Variants in DLGAP1 observed in about 807,000 individuals in gnomAD.
The protein encoded by DLGAP1 is disks large-associated protein 1.
DLGAP1 carries 11 observed loss-of-function variants against 90.8 expected under a neutral mutation model. The ratio of observed to expected loss-of-function variants is 0.12; its 90% CI spans 0.08 to 0.20. DLGAP1 has a LOEUF of 0.20. Ranked by LOEUF, DLGAP1 falls within the 10% of genes least tolerant of loss-of-function variation. The pLI, the probability that DLGAP1 is intolerant of heterozygous loss-of-function variation, is 1.00. For missense variants in DLGAP1, 1,050 were observed against 1,333.8 expected (o/e 0.79, Z 3.31); for synonymous variants, 558 against 540.7 (o/e 1.03, Z -0.44).
chr18:3,750,196 C>A (rs1420247368), intron 5 of DLGAP1, among the ~76,000 whole-genome samples: 2 of 152,212 alleles, frequency 1.3e-5, no homozygotes, highest in African/African-American at 2.4e-5. Flanking sequence ...CACTGTTTAG[C>A]TCCCATTTAT....
chr18:3,522,135 CTTT>C (rs11374414), intron 10 of DLGAP1, among the ~76,000 whole-genome samples: 1 of 98,242 alleles, frequency 1.0e-5, no homozygotes, highest in Non-Finnish European at 1.9e-5. Context: ...TTCTTTCTTG[CTTT>C]TTTTTTTTTT....
intron 6 of DLGAP1, among the ~76,000 whole-genome samples, chr18:3,731,877 C>T (rs2062446007): frequency 6.6e-6 from 1 of 151,982 alleles, no homozygotes; most frequent in Admixed American, 6.6e-5. Context: ...TTCTGGACAC[C>T]CTAGAAGCCC....
chr18:4,254,736 ACT>A (rs1405196656), intron 1 of DLGAP1, among the ~76,000 whole-genome samples: 1 of 152,164 alleles, frequency 6.6e-6, no homozygotes, highest in Non-Finnish European at 1.5e-5. Flanking sequence ...TTCCCATATG[ACT>A]CTACTTCCTA....
At chr18:4,271,082 T>C (rs2079268374) in intron 1 of DLGAP1, among the ~76,000 whole-genome samples, 1 of 152,132 alleles carries the variant, frequency 6.6e-6, no homozygotes, top group Non-Finnish European at 1.5e-5. Flanking sequence ...CAATCCCCTC[T>C]ATAAAGGGGG....
At chr18:3,761,637 G>A (rs143315950) in intron 5 of DLGAP1, among the ~76,000 whole-genome samples, 1,982 of 150,824 alleles carry the variant, frequency 0.013, 53 homozygotes, top group African/African-American at 0.046. Context: ...GTGCAGTGGC[G>A]TGATCTAGGC....
chr18:3,881,156 G>C (rs2071157739), intron 3 of DLGAP1, among the ~76,000 whole-genome samples: 1 of 147,774 alleles, frequency 6.8e-6, no homozygotes. Context: ...TGGAGTTTTT[G>C]CTCTGTTGCC....
At chr18:3,905,090 G>T (rs367926231) in intron 3 of DLGAP1, among the ~76,000 whole-genome samples, 1 of 151,466 alleles carries the variant, frequency 6.6e-6, no homozygotes, top group South Asian at 2.1e-4. Context: ...TGAATAGGCC[G>T]GGCATGGTGG....
At chr18:3,802,164 T>C (rs1005835805) in intron 5 of DLGAP1, among the ~76,000 whole-genome samples, 1 of 152,096 alleles carries the variant, frequency 6.6e-6, no homozygotes, top group Admixed American at 6.5e-5. Flanking sequence ...TTTGTATTTT[T>C]AGTAGAGATG....
chr18:3,869,383 G>A (rs566037376), intron 4 of DLGAP1, among the ~76,000 whole-genome samples: 2 of 152,178 alleles, frequency 1.3e-5, no homozygotes, highest in Non-Finnish European at 2.9e-5. Context: ...GCAACATAGC[G>A]AAACCCCGTC....
chr18:4,387,194 T>A (rs531612902), intron 1 of DLGAP1, among the ~76,000 whole-genome samples: 1 of 152,256 alleles, frequency 6.6e-6, no homozygotes, highest in South Asian at 2.1e-4. Context: ...GTAGGCAATA[T>A]CAATCAGTCA....
chr18:3,584,865 C>T (rs1346007308), intron 7 of DLGAP1, among the ~76,000 whole-genome samples: 3 of 152,188 alleles, frequency 2.0e-5, no homozygotes, highest in Non-Finnish European at 2.9e-5. Context: ...AATCCTCCCA[C>T]TTCAATCTCT....
Position 3,729,527 on chromosome 18 carries a change from T to A in DLGAP1, c.1351-152A>T. 1 of 1,075,302 alleles carries A rather than the reference T, an allele frequency of 9.3e-7. No individual in the cohort carries two copies. Among genetic ancestry groups the A allele is most frequent in the Non-Finnish European group, 1.3e-6 (1 of 760,474 alleles). The allele number at this position is 1,075,302 out of a possible 1,614,324, so 66.6% of individuals were successfully genotyped here. ...TTTATTTCCTTTCTGTTACAGGCTA[T>A]AATTGAATGGCATCCGCTTATAATT... On this transcript the variant is annotated intron_variant, in intron 6 of 12. Coordinates refer to ENST00000315677, the MANE Select transcript of DLGAP1 (RefSeq NM_004746.4). This position sits in a 1 kb window ranked among gnomAD's most constrained non-coding sequence, Gnocchi z 6.2.
chr18:4,014,334 C>T (rs1039062426), intron 2 of DLGAP1, among the ~76,000 whole-genome samples: 3 of 152,120 alleles, frequency 2.0e-5, no homozygotes, highest in East Asian at 1.9e-4. Context: ...CTGCCCGCCT[C>T]GGCCTACTTA....
At chr18:4,144,970 C>T (rs570013260) in intron 2 of DLGAP1, among the ~76,000 whole-genome samples, 5 of 152,214 alleles carry the variant, frequency 3.3e-5, no homozygotes, top group Admixed American at 1.3e-4. Context: ...TCTTATTTTA[C>T]GAAGAAAGTA....
At position 3,660,306 on chromosome 18, in the gene DLGAP1, GCTTT is replaced by G. The variant is rs751449982; in HGVS notation, c.1591+68825_1591+68828del. 2.0e-5 allele frequency among the ~76,000 whole-genome samples: 3 copies of G among 152,126 alleles called. No individual in the cohort carries two copies. The highest frequency in any genetic ancestry group is 7.2e-5 in the African/African-American group (3 of 41,432). Reference sequence around the variant, plus strand: ...CTACAGGTACCTGTCACCACAACTGGCTTTCTTTTATTTTTTAAAAATAGCACTT... The same window carrying G: ...CTACAGGTACCTGTCACCACAACTGGCTTTTATTTTTTAAAAATAGCACTT... On this transcript the variant is annotated intron_variant, in intron 7 of 12. Transcript: ENST00000315677. This position sits in a 1 kb window ranked among gnomAD's most constrained non-coding sequence, Gnocchi z 4.2.
intron 4 of DLGAP1, among the ~76,000 whole-genome samples, chr18:3,842,586 T>G (rs1180879745): frequency 6.6e-6 from 1 of 151,698 alleles, no homozygotes; most frequent in Non-Finnish European, 1.5e-5. Flanking sequence ...ATTTGGTGTT[T>G]TTTTTTTTTT....
At chr18:3,851,660 T>C (rs1335140201) in intron 4 of DLGAP1, among the ~76,000 whole-genome samples, 1 of 151,974 alleles carries the variant, frequency 6.6e-6, no homozygotes, top group Non-Finnish European at 1.5e-5. Flanking sequence ...GAACCTAAAA[T>C]AAAAGTTTAA....
intron 3 of DLGAP1, 58 bp downstream of exon 3, chr18:4,005,058 T>C (rs1188788165): frequency 3.9e-5 from 6 of 152,062 alleles, no homozygotes; most frequent in Non-Finnish European, 8.8e-5. Flanking sequence ...CCTTTTATAT[T>C]TTAATTTAGG....
chr18:3,921,864 G>A (rs867862327), intron 3 of DLGAP1, among the ~76,000 whole-genome samples: 1 of 152,164 alleles, frequency 6.6e-6, no homozygotes, highest in Admixed American at 6.5e-5. Context: ...ATGAACGTCA[G>A]GTGGCTGTGA....
Sources: allele counts gnomAD v4.1 joint callset (sites outside exome capture counted in the v4.1 genomes callset), GRCh38; gene constraint gnomAD v4.1.1; non-coding constraint Gnocchi (gnomAD v3.1); transcripts MANE v1.5; gene names NCBI Gene and HGNC (gene_info 2026-07-23, HGNC 2026-07-21).